Variants in GRM8 observed in about 807,000 individuals in gnomAD.
GRM8 encodes glutamate metabotropic receptor 8.
Under a neutral mutation model 87.2 loss-of-function variants are expected in GRM8, and 47 were observed. The observed-to-expected ratio is 0.54, with a 90% confidence interval of 0.43 to 0.69. The LOEUF (loss-of-function observed/expected upper bound fraction) is 0.69, where lower values mean the gene tolerates loss of function less well. Ranked by LOEUF, GRM8 falls within the 30% of genes least tolerant of loss-of-function variation. The pLI is 0.00. For missense variants in GRM8, 1,019 were observed against 1,139.2 expected, an observed-to-expected ratio of 0.89 and a Z score of 1.52; for synonymous variants, 396 against 404.5, an observed-to-expected ratio of 0.98 and a Z score of 0.25.
Position 126,673,206 on chromosome 7 carries a change from CCCTTTTCTT to C in GRM8, c.1358-63717_1358-63709del, listed in dbSNP as rs1471564472. 6.6e-5 allele frequency among the ~76,000 whole-genome samples: 10 copies of C among 152,256 alleles called. No individual in the cohort carries two copies. The East Asian group carries it at 1.9e-3, about 29-fold the overall frequency. On this transcript the variant is annotated intron_variant, in intron 7 of 10. Transcript: ENST00000339582. The stretch of plus-strand genomic sequence containing the variant: ...TGGCCTTGTGAGAGTCCCTGTTTCT[CCCTTTTCTT>C]CCTTTTCCCCCAACAAAACCCTCCT...
Position 127,106,731 on chromosome 7 carries a change from G to A in GRM8, c.511-19C>T. On this transcript the variant is annotated intron_variant, in intron 2 of 10. Transcript: ENST00000339582. ...GAGGTATCTGCAAAACAAATGATGG[G>A]TCATTTCAACCCATGACGAATCTTG... The A allele has an allele frequency of 6.6e-7, 1 of 1,512,498 alleles. No homozygotes were observed. The highest frequency in any genetic ancestry group is 9.2e-7 in the Non-Finnish European group (1 of 1,087,374). 93.7% of individuals were successfully genotyped at this position (1,512,498 alleles called of 1,614,324 possible).
intron 9 of GRM8, among the ~76,000 whole-genome samples, chr7:126,497,619 C>G (rs1293059553): frequency 1.3e-5 from 2 of 151,956 alleles, no homozygotes; most frequent in Admixed American, 6.6e-5. Flanking sequence ...ATTATAACAA[C>G]CCAATAATTG....
chr7:127,216,517 C>CAAAAAAAAAAAAAAAAAAAAA (rs58730624), intron 2 of GRM8, among the ~76,000 whole-genome samples: 1 of 62,968 alleles, frequency 1.6e-5, no homozygotes, highest in Non-Finnish European at 3.4e-5. Context: ...GACTCCGTCT[C>CAAAAAAAAAAAAAAAAAAAAA]AAAAAAAAAA....
intron 3 of GRM8, among the ~76,000 whole-genome samples, chr7:127,092,810 T>C (rs1391506095): frequency 6.6e-6 from 1 of 152,248 alleles, no homozygotes; most frequent in Non-Finnish European, 1.5e-5. Context: ...TCTCTTGCCA[T>C]GTGGCAGTAT....
chr7:126,786,769 T>A (rs968891024), intron 6 of GRM8, among the ~76,000 whole-genome samples: 2 of 152,192 alleles, frequency 1.3e-5, no homozygotes, highest in Admixed American at 6.6e-5. Flanking sequence ...TAAGACAAAT[T>A]CAAAAGTTCT....
intron 6 of GRM8, among the ~76,000 whole-genome samples, chr7:126,817,746 C>T (rs1038984870): frequency 6.6e-6 from 1 of 152,076 alleles, no homozygotes; most frequent in Non-Finnish European, 1.5e-5. Context: ...GTCGTTTGAG[C>T]ATTGCTGTTT....
intron 2 of GRM8, among the ~76,000 whole-genome samples, chr7:127,231,953 T>TA (rs992817840): frequency 1.3e-5 from 2 of 152,054 alleles, no homozygotes; most frequent in Middle Eastern, 3.2e-3. Flanking sequence ...CAACTTTATT[T>TA]AAAAAAATAG....
At chr7:126,873,278 C>T (rs965409046) in intron 6 of GRM8, among the ~76,000 whole-genome samples, 1 of 152,032 alleles carries the variant, frequency 6.6e-6, no homozygotes, top group African/African-American at 2.4e-5. Context: ...CCGAACATGA[C>T]CAAATCCACC....
At chr7:126,897,696 A>T (rs1801678099) in intron 6 of GRM8, among the ~76,000 whole-genome samples, 1 of 152,146 alleles carries the variant, frequency 6.6e-6, no homozygotes, top group Admixed American at 6.6e-5. Flanking sequence ...TTTAAGTAGG[A>T]TTAAGTAGTA....
At chr7:126,492,640 T>A (rs1052139897) in intron 9 of GRM8, among the ~76,000 whole-genome samples, 1 of 152,060 alleles carries the variant, frequency 6.6e-6, no homozygotes, top group African/African-American at 2.4e-5. Flanking sequence ...AACATTTAAC[T>A]AAATAGAATT....
At chr7:126,527,042 T>G (rs906283497) in intron 9 of GRM8, among the ~76,000 whole-genome samples, 3 of 152,198 alleles carry the variant, frequency 2.0e-5, no homozygotes, top group African/African-American at 7.2e-5. Flanking sequence ...TTCAAATGAC[T>G]GTGAACTGAC....
At chr7:126,893,134 C>G (rs1217089988) in intron 6 of GRM8, among the ~76,000 whole-genome samples, 1 of 151,880 alleles carries the variant, frequency 6.6e-6, no homozygotes, top group Non-Finnish European at 1.5e-5. Context: ...AAGTGCTTTC[C>G]CCTCAAATAG....
At chr7:126,747,939 G>A (rs1815895655) in intron 7 of GRM8, among the ~76,000 whole-genome samples, 1 of 151,824 alleles carries the variant, frequency 6.6e-6, no homozygotes, top group Admixed American at 6.6e-5. Flanking sequence ...CATATAGTAT[G>A]TATTAATGTT....
intron 2 of GRM8, among the ~76,000 whole-genome samples, chr7:127,213,863 T>C (rs957364182): frequency 6.6e-6 from 1 of 152,222 alleles, no homozygotes; most frequent in Admixed American, 6.5e-5. Flanking sequence ...CTACTAATGC[T>C]GAATACATGC....
rs190286061 is a variant in GRM8 at position 126,948,514 on chromosome 7, A to T, written c.728-43831T>A. Among the ~76,000 whole-genome samples the T allele has an allele frequency of 4.6e-5, 7 of 150,970 alleles. No homozygotes were observed. The East Asian group carries it at 1.4e-3, about 29-fold the overall frequency. On this transcript the variant is annotated intron_variant, in intron 3 of 10. Coordinates refer to ENST00000339582, the MANE Select transcript of GRM8 (RefSeq NM_000845.3). ...GATGATGCCAAGGAAAGGAGTTTTG[A>T]CTTTTGTCTAGGGAGATGAAGGAGC...
intron 5 of GRM8, among the ~76,000 whole-genome samples, chr7:126,903,669 A>G (rs1206065528): frequency 7.2e-6 from 1 of 139,330 alleles, no homozygotes; most frequent in Non-Finnish European, 1.6e-5. Context: ...ATATATATGT[A>G]TATGTGTATA....
chr7:126,992,086 T>G (rs916872294), intron 3 of GRM8, among the ~76,000 whole-genome samples: 2 of 152,216 alleles, frequency 1.3e-5, no homozygotes, highest in African/African-American at 4.8e-5. Flanking sequence ...AACCAGTGAT[T>G]ACAGAATCTG....
chr7:126,627,464 T>G (rs557887564), intron 7 of GRM8, among the ~76,000 whole-genome samples: 1 of 152,238 alleles, frequency 6.6e-6, no homozygotes, highest in African/African-American at 2.4e-5. Context: ...TTTATTTCTA[T>G]GGAAAGCATC....
chr7:127,113,016 G>A (rs1826474258), intron 2 of GRM8, among the ~76,000 whole-genome samples: 1 of 152,134 alleles, frequency 6.6e-6, no homozygotes, highest in Non-Finnish European at 1.5e-5. Context: ...AACCAACTGT[G>A]TCTCTCCATG....
Sources: gnomAD v4.1 joint callset for allele counts (sites outside exome capture counted in the v4.1 genomes callset) on GRCh38, gnomAD v4.1.1 for gene constraint, MANE v1.5 for transcripts, NCBI Gene and HGNC (gene_info 2026-07-23, HGNC 2026-07-21) for gene names.